The following VRK1 variants were observed in gnomAD, a reference collection of about 807,000 sequenced individuals.
VRK1 encodes serine/threonine-protein kinase VRK1.
In VRK1, 33 loss-of-function variants were observed where a neutral mutation model predicts 57.1. The ratio of observed to expected loss-of-function variants is 0.58; its 90% CI spans 0.44 to 0.77. VRK1 has a LOEUF of 0.77. Ranked by LOEUF, VRK1 falls within the 30% of genes least tolerant of loss-of-function variation. The probability of loss-of-function intolerance (pLI) is 0.00; values close to 1 mark genes in which losing one functional copy is unlikely to be tolerated. For missense variants in VRK1, 413 were observed against 477.3 expected, an observed-to-expected ratio of 0.87 and a Z score of 1.25; for synonymous variants, 137 against 147.8, an observed-to-expected ratio of 0.93 and a Z score of 0.53.
At chr14:96,869,879 A>T (rs1466580434) in intron 11 of VRK1, among the ~76,000 whole-genome samples, 1 of 152,142 alleles carries the variant, frequency 6.6e-6, no homozygotes, top group African/African-American at 2.4e-5. Context: ...AATGTAGCCC[A>T]ATTTGTTCTG....
chr14:96,876,030 A>T lies in VRK1; in HGVS notation c.1069A>T (p.Lys357Ter). ...CTCTCTCTTTAATTTTATATGTAAG[A>T]AGCGAAAGAAAGAAATTGAAGAAAG... Reference protein sequence around the residue: ...GGLKAKTITKKRKKEIEESKE... With the variant: ...GGLKAKTITK Residue 357 changes from lysine (K) to a stop codon, truncating the protein, a stop_gained and splice_region_variant, in exon 12 of 13, where the codon AAG (lysine) becomes TAG (stop). Transcript: ENST00000216639. LOFTEE classifies it high-confidence loss of function. The T allele has an allele frequency of 6.2e-7, 1 of 1,612,870 alleles. No individual in the cohort carries two copies. The highest frequency in any genetic ancestry group is 8.5e-7 in the Non-Finnish European group (1 of 1,179,274).
intron 11 of VRK1, among the ~76,000 whole-genome samples, chr14:96,869,923 G>A (rs1389623716): frequency 1.3e-5 from 2 of 152,094 alleles, no homozygotes. Flanking sequence ...CTTGAGATTA[G>A]TTAACTCCCC....
In VRK1 at chr14:96,833,660, A is replaced by G. The variant is rs370663910; in HGVS notation, c.160+29A>G. On this transcript the variant is annotated intron_variant, in intron 2 of 12. Transcript: ENST00000216639. Reference sequence around the variant, plus strand: ...AGTGTGTGACTGCTTCTAATGATCAATCCAAAGATTTATATGTTTTCTTAT... The same window carrying G: ...AGTGTGTGACTGCTTCTAATGATCAGTCCAAAGATTTATATGTTTTCTTAT... 1.1e-5 allele frequency: 18 copies of G among 1,613,060 alleles called. No individual in the cohort carries two copies. The African/African-American group carries it at 2.4e-4, about 22-fold the overall frequency.
At chr14:96,865,933 C>T (rs1490752872) in intron 11 of VRK1, among the ~76,000 whole-genome samples, 1 of 151,622 alleles carries the variant, frequency 6.6e-6, no homozygotes, top group African/African-American at 2.4e-5. Flanking sequence ...AAATCATTTC[C>T]TCTATTTTTT....
chr14:96,860,538 G>C lies in VRK1; in HGVS notation c.890-19G>C, dbSNP rs377099741. 1.9e-6 allele frequency: 3 copies of C among 1,604,032 alleles called. No homozygotes were observed. The highest frequency in any genetic ancestry group is 1.7e-4 in the Middle Eastern group (1 of 6,048). ...AGAAATATATTGAAAGTTATAAAAT[G>C]ATTGTGTTATTCTTTTAGGTGAAAT... On this transcript the variant is annotated intron_variant, in intron 10 of 12. Transcript: ENST00000216639.
At chr14:96,846,423 A>T (rs74076156) in intron 4 of VRK1, among the ~76,000 whole-genome samples, 1 of 152,258 alleles carries the variant, frequency 6.6e-6, no homozygotes, top group African/African-American at 2.4e-5. Flanking sequence ...AAACATTGAG[A>T]ATTATTGATG....
At chr14:96,843,414 G>A (rs947506128) in intron 3 of VRK1, among the ~76,000 whole-genome samples, 1 of 152,192 alleles carries the variant, frequency 6.6e-6, no homozygotes, top group Non-Finnish European at 1.5e-5. Flanking sequence ...TTGGAAAGAA[G>A]TTTGCAGACT....
chr14:96,851,544 C>A (rs1887950615), intron 5 of VRK1, among the ~76,000 whole-genome samples: 2 of 152,166 alleles, frequency 1.3e-5, no homozygotes, highest in Non-Finnish European at 2.9e-5. Context: ...TTCTAATTTT[C>A]TTCCAGTTCA....
intron 12 of VRK1, among the ~76,000 whole-genome samples, chr14:96,879,020 G>A (rs1312669461): frequency 6.6e-6 from 1 of 151,950 alleles, no homozygotes; most frequent in Non-Finnish European, 1.5e-5. Flanking sequence ...AGGAATCTTT[G>A]GAGAAAGCAT....
chr14:96,867,473 GTGT>G (rs1888631269), intron 11 of VRK1, among the ~76,000 whole-genome samples: 1 of 148,832 alleles, frequency 6.7e-6, no homozygotes, highest in Non-Finnish European at 1.5e-5. Context: ...GTGTGTGTGT[GTGT>G]GTGTGTGTGT....
At chr14:96,842,518 A>G (rs1887505249) in intron 3 of VRK1, among the ~76,000 whole-genome samples, 1 of 151,482 alleles carries the variant, frequency 6.6e-6, no homozygotes, top group Non-Finnish European at 1.5e-5. Context: ...AGGTTGTCTT[A>G]TAAAATGGCT....
At position 96,880,324 on chromosome 14, in the gene VRK1, G is replaced by A. The variant is rs190685079; in HGVS notation, c.1160-853G>A. ...AAGTATTGATCTTTTGTTTTTTTTC[G>A]TGCAGTCATTGATTAATTATGAGCA... is the stretch of plus-strand genomic sequence containing the variant. On this transcript the variant is annotated intron_variant, in intron 12 of 12. Coordinates refer to ENST00000216639, the MANE Select transcript of VRK1 (RefSeq NM_003384.3). 2.4e-3 allele frequency among the ~76,000 whole-genome samples: 369 copies of A among 151,446 alleles called. 2 individuals are homozygous for A. The highest frequency in any genetic ancestry group is 8.5e-3 in the African/African-American group (351 of 41,286).
rs1451544439 is a variant in VRK1 at position 96,876,118 on chromosome 14, C to T, written c.1157C>T (p.Thr386Ile). ...SNTQTEEAIQ[T>I]RSRTRKRVQK The stretch of plus-strand genomic sequence containing the variant: ...ACACAGACAGAGGAGGCCATACAGA[C>T]CCGTAAGTTGAACAGTTTTGCCTAG... Residue 386 changes from threonine to isoleucine, a missense_variant and splice_region_variant, in exon 12 of 13, where the codon ACC becomes ATC. By Grantham distance (89) the Thr-to-Ile change is moderately conservative. Around this residue, in one of 3 missense-constraint regions of VRK1, gnomAD observed 146 missense variants for 138.2 expected, o/e 1.06. Coordinates refer to ENST00000216639, the MANE Select transcript of VRK1 (RefSeq NM_003384.3). 1 of 1,613,444 alleles carries T rather than the reference C, an allele frequency of 6.2e-7. No individual in the cohort carries two copies. Among genetic ancestry groups the T allele is most frequent in the Non-Finnish European group, 8.5e-7 (1 of 1,179,538 alleles).
chr14:96,876,555 C>T (rs1889039043), intron 12 of VRK1, among the ~76,000 whole-genome samples: 1 of 152,074 alleles, frequency 6.6e-6, no homozygotes, highest in East Asian at 1.9e-4. Flanking sequence ...GTGATAGAGA[C>T]CAGAACTCTT....
intron 5 of VRK1, among the ~76,000 whole-genome samples, chr14:96,849,804 C>CT (rs1417466097): frequency 6.6e-6 from 1 of 152,184 alleles, no homozygotes. Context: ...GTAGCCCACA[C>CT]TGTCATATCA....
intron 8 of VRK1, among the ~76,000 whole-genome samples, chr14:96,855,731 T>C (rs546660310): frequency 1.3e-5 from 2 of 152,300 alleles, no homozygotes; most frequent in East Asian, 3.9e-4. Context: ...GTTAAGTTAG[T>C]TTATTTCTTC....
chr14:96,874,890 T>A (rs534576231), intron 11 of VRK1, among the ~76,000 whole-genome samples: 2 of 152,338 alleles, frequency 1.3e-5, no homozygotes, highest in African/African-American at 4.8e-5. Context: ...ATTATCCTCT[T>A]TTCTAGCTGT....
chr14:96,827,975 A>G (rs1158815698), intron 1 of VRK1, among the ~76,000 whole-genome samples: 1 of 152,308 alleles, frequency 6.6e-6, no homozygotes, highest in East Asian at 1.9e-4. Flanking sequence ...ATCCACCTCC[A>G]GCCATTTCTT....
At chr14:96,867,209 A>G (rs1042131782) in intron 11 of VRK1, among the ~76,000 whole-genome samples, 2 of 152,132 alleles carry the variant, frequency 1.3e-5, no homozygotes, top group African/African-American at 4.8e-5. Flanking sequence ...TATATGCTCA[A>G]TCTTTTTTTA....
Sources: allele counts gnomAD v4.1 joint callset (sites outside exome capture counted in the v4.1 genomes callset), GRCh38; gene constraint gnomAD v4.1.1; regional missense constraint gnomAD v4.1.1; transcripts MANE v1.5; gene names NCBI Gene and HGNC (gene_info 2026-07-23, HGNC 2026-07-21).